The following GRIP1 variants were observed in gnomAD, a reference collection of about 807,000 sequenced individuals.
GRIP1 encodes glutamate receptor interacting protein 1.
Under a neutral mutation model 129.9 loss-of-function variants are expected in GRIP1, and 45 were observed. That is an observed-to-expected ratio of 0.35 (90% CI 0.27 to 0.44). The LOEUF (loss-of-function observed/expected upper bound fraction) is 0.44, where lower values mean the gene tolerates loss of function less well. Among genes scored for constraint, GRIP1 ranks in the 20% least tolerant of loss-of-function variants. The pLI, the probability that GRIP1 is intolerant of heterozygous loss-of-function variation, is 1.00. For synonymous variants in GRIP1, 530 were observed against 520.8 expected, an observed-to-expected ratio of 1.02 and a Z score of -0.24; for missense variants, 1,196 against 1,396.8, an observed-to-expected ratio of 0.86 and a Z score of 2.29.
At chr12:66,378,290 A>G (rs552178666) in intron 20 of GRIP1, among the ~76,000 whole-genome samples, 3 of 152,132 alleles carry the variant, frequency 2.0e-5, no homozygotes, top group Admixed American at 6.5e-5. Flanking sequence ...AAAAATAACT[A>G]AAAACACAAA....
chr12:66,738,481 A>G (rs2036682023), intron 1 of GRIP1, among the ~76,000 whole-genome samples: 1 of 152,120 alleles, frequency 6.6e-6, no homozygotes, highest in South Asian at 2.1e-4. Flanking sequence ...TCGGCCTCCC[A>G]AAGTGCTAGG....
intron 1 of GRIP1, among the ~76,000 whole-genome samples, chr12:66,935,098 G>C (rs1354468319): frequency 6.6e-6 from 1 of 152,190 alleles, no homozygotes; most frequent in African/African-American, 2.4e-5. Flanking sequence ...CTAACAAAGA[G>C]ATGAACTTGT....
chr12:66,865,743 C>T (rs947235886), intron 1 of GRIP1, among the ~76,000 whole-genome samples: 19 of 151,962 alleles, frequency 1.3e-4, no homozygotes, highest in Admixed American at 1.1e-3. Context: ...TAATCTTTTC[C>T]CCTCACGATT....
intron 1 of GRIP1, among the ~76,000 whole-genome samples, chr12:66,987,105 C>A (rs2042324460): frequency 6.7e-6 from 1 of 149,232 alleles, no homozygotes; most frequent in African/African-American, 2.4e-5. Flanking sequence ...GAGCTGAACT[C>A]CTGGAGCTTT....
intron 1 of GRIP1, among the ~76,000 whole-genome samples, chr12:66,659,915 C>T (rs771883033): frequency 2.0e-5 from 3 of 152,092 alleles, no homozygotes; most frequent in Non-Finnish European, 4.4e-5. Context: ...ACTCCCAAAA[C>T]GCATAGAGTT....
chr12:66,587,729 G>T (rs2063694363), intron 2 of GRIP1, among the ~76,000 whole-genome samples: 1 of 152,184 alleles, frequency 6.6e-6, no homozygotes, highest in Admixed American at 6.5e-5. Context: ...ATGGGCCAGA[G>T]CAAAAAGGAG....
chr12:66,550,055 TAA>T, intron 2 of GRIP1, among the ~76,000 whole-genome samples: 1 of 152,226 alleles, frequency 6.6e-6, no homozygotes, highest in Non-Finnish European at 1.5e-5. Context: ...TCTAAAGCAT[TAA>T]GTTAAAAAAA....
chr12:66,947,318 GTC>G (rs1207353383), intron 1 of GRIP1, among the ~76,000 whole-genome samples: 1 of 152,142 alleles, frequency 6.6e-6, no homozygotes, highest in Admixed American at 6.5e-5. Flanking sequence ...GACTGGTGTG[GTC>G]TGCATATTAA....
chr12:66,409,539 G>A (rs1292891555), intron 15 of GRIP1, among the ~76,000 whole-genome samples: 5 of 152,096 alleles, frequency 3.3e-5, no homozygotes, highest in African/African-American at 9.7e-5. Context: ...AAGCCCCTTC[G>A]AATACTTAGA....
chr12:66,966,895 T>C (rs1168083017), intron 1 of GRIP1, among the ~76,000 whole-genome samples: 1 of 152,196 alleles, frequency 6.6e-6, no homozygotes, highest in Non-Finnish European at 1.5e-5. Flanking sequence ...AAAGTCACTA[T>C]GCATAACCTA....
chr12:66,511,400 C>A (rs2060694586), intron 7 of GRIP1, among the ~76,000 whole-genome samples: 1 of 152,164 alleles, frequency 6.6e-6, no homozygotes, highest in African/African-American at 2.4e-5. Flanking sequence ...AGGAAACTCT[C>A]ATATACTATT....
intron 14 of GRIP1, among the ~76,000 whole-genome samples, chr12:66,425,782 T>C (rs1308824854): frequency 7.5e-6 from 1 of 133,954 alleles, no homozygotes; most frequent in African/African-American, 2.9e-5. Flanking sequence ...TGAGAACACA[T>C]GGACACAGGA....
At chr12:67,068,879 T>A (rs1343413492) in intron 1 of GRIP1, among the ~76,000 whole-genome samples, 1 of 53,688 alleles carries the variant, frequency 1.9e-5, no homozygotes, top group Non-Finnish European at 3.4e-5. Context: ...GCAAAAAAAA[T>A]GAATCAGAGT....
intron 7 of GRIP1, among the ~76,000 whole-genome samples, chr12:66,510,266 CA>C (rs1469250770): frequency 6.6e-6 from 1 of 152,152 alleles, no homozygotes; most frequent in Non-Finnish European, 1.5e-5. Flanking sequence ...CTGTCTCCAT[CA>C]GTGCATTGGC....
At chr12:66,466,446 C>A (rs2059288659) in intron 7 of GRIP1, among the ~76,000 whole-genome samples, 1 of 152,160 alleles carries the variant, frequency 6.6e-6, no homozygotes, top group African/African-American at 2.4e-5. Flanking sequence ...GCTTAAAGCT[C>A]ATTAGAGCCA....
At chr12:66,611,494 GA>G (rs1347621481) in intron 1 of GRIP1, among the ~76,000 whole-genome samples, 1 of 151,976 alleles carries the variant, frequency 6.6e-6, no homozygotes, top group African/African-American at 2.4e-5. Context: ...TTGATCCTAG[GA>G]ATTCCTTTTT....
chr12:66,973,914 C>CT (rs1357700374), intron 1 of GRIP1, among the ~76,000 whole-genome samples: 1 of 113,730 alleles, frequency 8.8e-6, no homozygotes, highest in African/African-American at 3.1e-5. Flanking sequence ...CTTTTCTTTT[C>CT]TTTTCTTTTT....
intron 1 of GRIP1, among the ~76,000 whole-genome samples, chr12:66,656,107 T>C (rs1160417976): frequency 1.3e-5 from 2 of 152,210 alleles, no homozygotes; most frequent in Non-Finnish European, 2.9e-5. Flanking sequence ...TCTGAGGTTT[T>C]TGAGAGCAAT....
intron 19 of GRIP1, among the ~76,000 whole-genome samples, chr12:66,385,984 T>C (rs2056341005): frequency 6.6e-6 from 1 of 152,234 alleles, no homozygotes; most frequent in South Asian, 2.1e-4. Flanking sequence ...TCTGATCTTA[T>C]ACTTTGTATC....
Sources: allele counts gnomAD v4.1 joint callset (sites outside exome capture counted in the v4.1 genomes callset), GRCh38; gene constraint gnomAD v4.1.1; transcripts MANE v1.5; gene names NCBI Gene and HGNC (gene_info 2026-07-23, HGNC 2026-07-21).